Variants in PCDHGB5 observed in about 807,000 individuals in gnomAD.
The protein encoded by PCDHGB5 is protocadherin gamma-B5.
Under a neutral mutation model 62.9 loss-of-function variants are expected in PCDHGB5, and 48 were observed. The ratio of observed to expected loss-of-function variants is 0.76; its 90% CI spans 0.61 to 0.97. The LOEUF is 0.97. PCDHGB5 is among the 50% of genes least tolerant of loss of function. The probability of loss-of-function intolerance (pLI) is 0.00; values close to 1 mark genes in which losing one functional copy is unlikely to be tolerated. For missense variants in PCDHGB5, 1,118 were observed against 1,198.6 expected (o/e 0.93, Z 0.99); for synonymous variants, 474 against 511.2 (o/e 0.93, Z 0.98).
chr5:141,504,496 G>C (rs2099838771), intron 2 of PCDHGB5, among the ~76,000 whole-genome samples: 1 of 152,100 alleles, frequency 6.6e-6, no homozygotes, highest in Non-Finnish European at 1.5e-5. Flanking sequence ...CACCTGCCCA[G>C]TCTGAGTGGA....
chr5:141,447,078 G>A (rs531206989), intron 1 of PCDHGB5, among the ~76,000 whole-genome samples: 5 of 152,018 alleles, frequency 3.3e-5, no homozygotes, highest in Non-Finnish European at 7.4e-5. Context: ...TTTAATTTTT[G>A]TTGTTTAATT....
intron 2 of PCDHGB5, among the ~76,000 whole-genome samples, chr5:141,502,382 T>C (rs1668612742): frequency 1.3e-5 from 2 of 152,088 alleles, no homozygotes; most frequent in Non-Finnish European, 2.9e-5. Context: ...CCAGGCCAGT[T>C]GTACTTTAAA....
intron 1 of PCDHGB5, among the ~76,000 whole-genome samples, chr5:141,465,140 G>A (rs1019369475): frequency 5.3e-5 from 8 of 151,554 alleles, no homozygotes; most frequent in Non-Finnish European, 7.4e-5. Context: ...AAGTTTAGGG[G>A]ATATATGAAG....
chr5:141,401,655 A>G (rs1011518295), intron 1 of PCDHGB5, among the ~76,000 whole-genome samples: 2 of 152,232 alleles, frequency 1.3e-5, no homozygotes, highest in South Asian at 2.1e-4. Context: ...AAATGACTGG[A>G]TGTTTTCTCA....
At chr5:141,507,676 A>G (rs2099862523) in intron 3 of PCDHGB5, among the ~76,000 whole-genome samples, 1 of 152,252 alleles carries the variant, frequency 6.6e-6, no homozygotes, top group African/African-American at 2.4e-5. Flanking sequence ...TCCAGATGTT[A>G]AAAACAGAAA....
In PCDHGB5 at chr5:141,491,801, G is replaced by C; in HGVS notation, c.2398-3006G>C. 1 of 1,500,844 alleles carries C rather than the reference G, an allele frequency of 6.7e-7. No individual in the cohort carries two copies. Among genetic ancestry groups the C allele is most frequent in the Non-Finnish European group, 8.9e-7 (1 of 1,125,292 alleles). The allele number at this position is 1,500,844 out of a possible 1,614,324, so 93.0% of individuals were successfully genotyped here. The stretch of plus-strand genomic sequence containing the variant: ...AACTTGCATCCACTCCTCTCCGGCC[G>C]GCTTGGTCGCTGGCTGCGCTCCACC... On this transcript the variant is annotated intron_variant, in intron 1 of 3. Coordinates refer to ENST00000617380, the MANE Select transcript of PCDHGB5 (RefSeq NM_018925.3). The surrounding 1 kb of genome is among the most constrained non-coding windows in gnomAD (Gnocchi z 6.9).
intron 1 of PCDHGB5, chr5:141,478,270 C>G (rs1347709530): frequency 5.6e-6 from 9 of 1,614,078 alleles, no homozygotes; most frequent in Non-Finnish European, 6.8e-6. Context: ...TCAAAGTTTA[C>G]AAGTGGAAGC....
chr5:141,465,865 G>A (rs374058078), intron 1 of PCDHGB5, among the ~76,000 whole-genome samples: 7 of 151,900 alleles, frequency 4.6e-5, no homozygotes, highest in African/African-American at 1.7e-4. Flanking sequence ...GCTCATGCCT[G>A]TAATCCCAGC....
At chr5:141,461,607 A>C (rs74634930) in intron 1 of PCDHGB5, among the ~76,000 whole-genome samples, 8,353 of 152,212 alleles carry the variant, frequency 0.055, 473 homozygotes, top group African/African-American at 0.15. Flanking sequence ...AATTTAGTTC[A>C]AAGTATTTTC....
In PCDHGB5 at chr5:141,487,737, T is replaced by G. The variant is rs1019622307; in HGVS notation, c.2398-7070T>G. 1 of 1,563,758 alleles carries G rather than the reference T, an allele frequency of 6.4e-7. No homozygotes were observed. The highest frequency in any genetic ancestry group is 8.7e-7 in the Non-Finnish European group (1 of 1,152,772). On this transcript the variant is annotated intron_variant, in intron 1 of 3. Transcript: ENST00000617380. This position sits in a 1 kb window ranked among gnomAD's most constrained non-coding sequence, Gnocchi z 5.0. ...GCCCATAGTGATGTCACCATTTTTG[T>G]AAGAGGTAACTATGTGGTAGACGCT...
At chr5:141,433,361 A>G (rs1208326325) in intron 1 of PCDHGB5, 15 of 297,508 alleles carry the variant, frequency 5.0e-5, no homozygotes, top group Non-Finnish European at 7.0e-5. Context: ...CTGTCTGCCT[A>G]TCTATCTATC....
chr5:141,468,952 G>GA (rs2099186671), intron 1 of PCDHGB5, among the ~76,000 whole-genome samples: 1 of 151,198 alleles, frequency 6.6e-6, no homozygotes. Context: ...TAAACCTGTG[G>GA]TTTTTTTTAC....
chr5:141,432,237 A>T lies in PCDHGB5; in HGVS notation c.2397+31713A>T. ...GCCCAGATCACTTATTCCCTGGCTG[A>T]GAACACCATCCAAGGGGCAAGCCTA... On this transcript the variant is annotated intron_variant, in intron 1 of 3. Transcript: ENST00000617380. The surrounding 1 kb of genome is among the most constrained non-coding windows in gnomAD (Gnocchi z 6.0). The T allele has an allele frequency of 2.5e-6, 4 of 1,614,224 alleles. No individual in the cohort carries two copies. Among genetic ancestry groups the T allele is most frequent in the Non-Finnish European group, 3.4e-6 (4 of 1,180,032 alleles).
At chr5:141,479,953 CAGTT>C (rs1198160373) in intron 1 of PCDHGB5, among the ~76,000 whole-genome samples, 1 of 152,182 alleles carries the variant, frequency 6.6e-6, no homozygotes, top group African/African-American at 2.4e-5. Flanking sequence ...TTGGATTTGG[CAGTT>C]AGTCAAATGA....
In PCDHGB5 at chr5:141,477,696, A is replaced by T. The variant is rs778604051; in HGVS notation, c.2398-17111A>T. The T allele has an allele frequency of 2.1e-5, 34 of 1,614,054 alleles. No individual in the cohort carries two copies. Among genetic ancestry groups the T allele is most frequent in the Non-Finnish European group, 2.9e-5 (34 of 1,180,044 alleles). On this transcript the variant is annotated intron_variant, in intron 1 of 3. Transcript: ENST00000617380. This position sits in a 1 kb window ranked among gnomAD's most constrained non-coding sequence, Gnocchi z 4.9. ...GTGTCATCCTTAGTGCCCCTAGACT[A>T]TGAGGATCGGCGGGAATTTGAATTA...
rs1368632691 is a variant in PCDHGB5 at position 141,485,071 on chromosome 5, C to A, written c.2398-9736C>A. ...GCCGGCCGAACCGCGCCAGAGCTGG[C>A]GCGGGGAAAGGGAGATAGGTGTCTC... On this transcript the variant is annotated intron_variant, in intron 1 of 3. Coordinates refer to ENST00000617380, the MANE Select transcript of PCDHGB5 (RefSeq NM_018925.3). This position sits in a 1 kb window ranked among gnomAD's most constrained non-coding sequence, Gnocchi z 5.7. 3.3e-6 allele frequency: 3 copies of A among 913,030 alleles called. No individual in the cohort carries two copies. Among genetic ancestry groups the A allele is most frequent in the Non-Finnish European group, 5.1e-6 (3 of 584,604 alleles). 56.6% of individuals were successfully genotyped at this position (913,030 alleles called of 1,614,324 possible).
chr5:141,493,679 G>C lies in PCDHGB5; in HGVS notation c.2398-1128G>C. On this transcript the variant is annotated intron_variant, in intron 1 of 3. Transcript: ENST00000617380. This position sits in a 1 kb window ranked among gnomAD's most constrained non-coding sequence, Gnocchi z 4.3. ...CCTTCTCCATGGCAGCCCCAGAATG[G>C]TGCTGGTGACTCCCGATACACCTGG... Among the ~76,000 whole-genome samples the C allele has an allele frequency of 6.6e-6, 1 of 152,198 alleles. No individual in the cohort carries two copies. Among genetic ancestry groups the C allele is most frequent in the African/African-American group, 2.4e-5 (1 of 41,446 alleles).
At chr5:141,484,437 T>C (rs2099596528) in intron 1 of PCDHGB5, among the ~76,000 whole-genome samples, 1 of 152,232 alleles carries the variant, frequency 6.6e-6, no homozygotes, top group African/African-American at 2.4e-5. Context: ...ATGTACTGCA[T>C]AAATTTAATT....
At chr5:141,413,089 C>A in intron 1 of PCDHGB5, 1 of 1,401,120 alleles carries the variant, frequency 7.1e-7, no homozygotes, top group Non-Finnish European at 9.7e-7. Context: ...TACAGAGACA[C>A]CCTGAAGCCA....
Sources: gnomAD v4.1 joint callset for allele counts (sites outside exome capture counted in the v4.1 genomes callset) on GRCh38, gnomAD v4.1.1 for gene constraint, Gnocchi (gnomAD v3.1) non-coding constraint, MANE v1.5 for transcripts, NCBI Gene and HGNC (gene_info 2026-07-23, HGNC 2026-07-21) for gene names.